Variants in FHIT observed in about 807,000 individuals in gnomAD.
FHIT encodes the protein bis(5'-adenosyl)-triphosphatase.
Under a neutral mutation model 17.9 loss-of-function variants are expected in FHIT, and 19 were observed. The ratio of observed to expected loss-of-function variants is 1.06; its 90% CI spans 0.74 to 1.56. The LOEUF is 1.56. Among genes scored for constraint, FHIT ranks in the 40% most tolerant of loss-of-function variants. FHIT has a pLI of 0.00. For synonymous variants in FHIT, 81 were observed against 69.7 expected, an observed-to-expected ratio of 1.16 and a Z score of -0.81; for missense variants, 248 against 189.2, an observed-to-expected ratio of 1.31 and a Z score of -1.82.
At position 60,960,735 on chromosome 3, in the gene FHIT, A is replaced by C. The variant is rs1487789136; in HGVS notation, c.-111+81312T>G. Among the ~76,000 whole-genome samples the C allele has an allele frequency of 2.0e-5, 3 of 152,286 alleles. No homozygotes were observed. In the South Asian group the frequency reaches 6.2e-4, roughly 32 times the overall value. On this transcript the variant is annotated intron_variant, in intron 3 of 9. Transcript: ENST00000492590. ...TTTGCTCAGAATGGTTTCCAGCTTC[A>C]TCCATGTCCCTACAAAGGACATGAA...
intron 5 of FHIT, among the ~76,000 whole-genome samples, chr3:60,475,201 T>C (rs1344821370): frequency 6.6e-6 from 1 of 152,186 alleles, no homozygotes; most frequent in African/African-American, 2.4e-5. Context: ...CTCTTTAATC[T>C]TCACTACATT....
rs1438224044 is a variant in FHIT, at chr3:60,713,405, GAAGGC to G, written c.-18+108509_-18+108513del. Among the ~76,000 whole-genome samples the G allele has an allele frequency of 2.0e-5, 3 of 150,826 alleles. No individual in the cohort carries two copies. In the Admixed American group the frequency reaches 2.0e-4, roughly 10 times the overall value. The stretch of plus-strand genomic sequence containing the variant: ...GAGCAAACACATTCAAAAGCTAGCA[GAAGGC>G]AAGAAATAACTAAAATCAGAGCAGA... On this transcript the variant is annotated intron_variant, in intron 4 of 9. Coordinates refer to ENST00000492590, the MANE Select transcript of FHIT (RefSeq NM_002012.4).
In FHIT at chr3:60,258,065, TACACACACACACAC is replaced by T. The variant is rs67553597; in HGVS notation, c.104-243927_104-243914del. Among the ~76,000 whole-genome samples, 21 of 144,596 alleles carry T rather than the reference TACACACACACACAC, an allele frequency of 1.5e-4. 1 individual carries two copies. The highest frequency in any genetic ancestry group is 6.2e-4 in the East Asian group (3 of 4,878). The allele number at this position is 144,596 out of a possible 152,430, so 94.9% of individuals were successfully genotyped here. ...CTGAACTTAAAAGTTGGAAATTAAA[TACACACACACACAC>T]ACACACACACACACACACACACCTC... is the stretch of plus-strand genomic sequence containing the variant. On this transcript the variant is annotated intron_variant, in intron 5 of 9. Transcript: ENST00000492590.
intron 5 of FHIT, among the ~76,000 whole-genome samples, chr3:60,099,395 T>G (rs914496216): frequency 2.0e-5 from 3 of 152,150 alleles, no homozygotes; most frequent in Non-Finnish European, 4.4e-5. Context: ...AAGAGGGAGC[T>G]ATAATAATCC....
chr3:60,089,898 C>G (rs1278064520), intron 5 of FHIT, among the ~76,000 whole-genome samples: 1 of 152,068 alleles, frequency 6.6e-6, no homozygotes, highest in Non-Finnish European at 1.5e-5. Context: ...AATATTCAAA[C>G]CATAGAACCC....
At chr3:60,781,407 A>G (rs1190450123) in intron 4 of FHIT, among the ~76,000 whole-genome samples, 1 of 152,196 alleles carries the variant, frequency 6.6e-6, no homozygotes, top group African/African-American at 2.4e-5. Context: ...TATAGACCCA[A>G]AGAAAACCAT....
intron 5 of FHIT, among the ~76,000 whole-genome samples, chr3:60,405,747 G>T (rs935201497): frequency 6.6e-6 from 1 of 152,210 alleles, no homozygotes. Flanking sequence ...CTAGGAGGGT[G>T]CTACAGGCAT....
intron 5 of FHIT, among the ~76,000 whole-genome samples, chr3:60,317,758 T>G (rs1454288930): frequency 6.7e-6 from 1 of 148,334 alleles, no homozygotes; most frequent in Non-Finnish European, 1.5e-5. Flanking sequence ...AAGTACTAGT[T>G]CAAAATTCCA....
intron 3 of FHIT, among the ~76,000 whole-genome samples, chr3:61,001,656 G>C (rs1008951622): frequency 7.9e-5 from 12 of 152,200 alleles, no homozygotes; most frequent in Non-Finnish European, 1.6e-4. Context: ...TCAGAATGGG[G>C]TAGGGAATAG....
At position 59,860,440 on chromosome 3, in the gene FHIT, T is replaced by C. The variant is rs138063970; in HGVS notation, c.348+61906A>G. ...CAGTTGCCATAGGGAATGGAACTTGTAGGGAAAAGAAGGATGTTGGAGAAA... is the reference window on the plus strand; with the variant it reads ...CAGTTGCCATAGGGAATGGAACTTGCAGGGAAAAGAAGGATGTTGGAGAAA... On this transcript the variant is annotated intron_variant, in intron 8 of 9. Transcript: ENST00000492590. 1.1e-4 allele frequency among the ~76,000 whole-genome samples: 17 copies of C among 152,312 alleles called. No individual in the cohort carries two copies. In the East Asian group the frequency reaches 3.3e-3, roughly 29 times the overall value.
chr3:60,218,086 A>T lies in FHIT; in HGVS notation c.104-203934T>A, dbSNP rs144666385. Among the ~76,000 whole-genome samples, 24 of 152,278 alleles carry T rather than the reference A, an allele frequency of 1.6e-4. No individual in the cohort carries two copies. In the East Asian group the frequency reaches 4.6e-3, roughly 29 times the overall value. On this transcript the variant is annotated intron_variant, in intron 5 of 9. Transcript: ENST00000492590. ...ATTGTTTTAAAGTATTATTTTAAAA[A>T]AATTTTAATTTCTAATATGGCAAAT...
chr3:61,235,660 C>T (rs942069618), intron 1 of FHIT, among the ~76,000 whole-genome samples: 1 of 151,934 alleles, frequency 6.6e-6, no homozygotes, highest in Non-Finnish European at 1.5e-5. Context: ...CAAGATTGCG[C>T]CACTGCACTC....
At chr3:60,843,199 C>T (rs535487806) in intron 3 of FHIT, among the ~76,000 whole-genome samples, 10 of 152,098 alleles carry the variant, frequency 6.6e-5, no homozygotes, top group Non-Finnish European at 1.5e-4. Context: ...AAAAGGAGAA[C>T]CACAGAGAAT....
intron 2 of FHIT, among the ~76,000 whole-genome samples, chr3:61,186,613 A>G (rs2038521532): frequency 6.6e-6 from 1 of 152,128 alleles, no homozygotes; most frequent in African/African-American, 2.4e-5. Context: ...ATGTTTGTCC[A>G]TTTACCCATC....
intron 5 of FHIT, among the ~76,000 whole-genome samples, chr3:60,079,805 TAAGTA>T (rs753896620): frequency 1.4e-4 from 22 of 152,046 alleles, no homozygotes; most frequent in Non-Finnish European, 2.9e-4. Flanking sequence ...CAGAAAATTC[TAAGTA>T]AAAAGCAGAA....
At chr3:61,009,032 A>C (rs1205666477) in intron 3 of FHIT, among the ~76,000 whole-genome samples, 2 of 152,200 alleles carry the variant, frequency 1.3e-5, no homozygotes, top group Admixed American at 6.5e-5. Flanking sequence ...ACTCCCAAGA[A>C]ACATTGCCCA....
At chr3:61,025,935 G>T (rs2032708378) in intron 3 of FHIT, among the ~76,000 whole-genome samples, 1 of 152,012 alleles carries the variant, frequency 6.6e-6, no homozygotes, top group Admixed American at 6.6e-5. Flanking sequence ...TTAAATAAAA[G>T]TATATGTTGA....
At chr3:60,130,974 TATATATACACATATATACAC>T (rs769000414) in intron 5 of FHIT, among the ~76,000 whole-genome samples, 1 of 140,800 alleles carries the variant, frequency 7.1e-6, no homozygotes, top group Non-Finnish European at 1.6e-5. Context: ...TAGAAAGGTA[TATATATACACATATATACAC>T]ATATATACAT....
chr3:60,269,766 T>C (rs576284882), intron 5 of FHIT, among the ~76,000 whole-genome samples: 9 of 152,134 alleles, frequency 5.9e-5, no homozygotes, highest in South Asian at 2.1e-4. Context: ...GATAGAAATG[T>C]TGGAACAAAT....
Sources: allele counts gnomAD v4.1 joint callset (sites outside exome capture counted in the v4.1 genomes callset), GRCh38; gene constraint gnomAD v4.1.1; transcripts MANE v1.5; gene names NCBI Gene and HGNC (gene_info 2026-07-23, HGNC 2026-07-21).